SLC25A12: variants seen among roughly 807,000 people sequenced by gnomAD.
SLC25A12 encodes electrogenic aspartate/glutamate antiporter SLC25A12, mitochondrial.
Under a neutral mutation model 83.3 loss-of-function variants are expected in SLC25A12, and 32 were observed. That is an observed-to-expected ratio of 0.38 (90% CI 0.29 to 0.52). The LOEUF (loss-of-function observed/expected upper bound fraction) is 0.52. Among genes scored for constraint, SLC25A12 ranks in the 20% least tolerant of loss-of-function variants. The pLI is 0.84. For missense variants in SLC25A12, 611 were observed against 835.6 expected, an observed-to-expected ratio of 0.73 and a Z score of 3.31; for synonymous variants, 267 against 291.1, an observed-to-expected ratio of 0.92 and a Z score of 0.84.
intron 9 of SLC25A12, among the ~76,000 whole-genome samples, chr2:171,821,984 T>C (rs564679766): frequency 1.3e-5 from 2 of 152,322 alleles, no homozygotes; most frequent in East Asian, 3.8e-4. Flanking sequence ...CTTTTGTGTA[T>C]GGTATGGGGT....
At chr2:171,838,481 A>ATG (rs1242768163) in intron 5 of SLC25A12, among the ~76,000 whole-genome samples, 8 of 151,554 alleles carry the variant, frequency 5.3e-5, no homozygotes, top group African/African-American at 1.7e-4. Context: ...TCCCTGTCTT[A>ATG]TATCTTTTTC....
Position 171,797,334 on chromosome 2 carries a change from A to G in SLC25A12, c.1306-3567T>C, listed in dbSNP as rs112246117. On this transcript the variant is annotated intron_variant, in intron 13 of 17. Transcript: ENST00000422440. ...GGCAATATGATTTGATAATAAAATC[A>G]CGCCAAATGACAAAAACAGAACATA... is the stretch of plus-strand genomic sequence containing the variant. Among the ~76,000 whole-genome samples the G allele has an allele frequency of 2.4e-4, 36 of 152,338 alleles. 1 individual carries two copies. Among genetic ancestry groups the G allele is most frequent in the African/African-American group, 8.2e-4 (34 of 41,578 alleles).
rs1683985744 is a variant in SLC25A12, at chr2:171,813,338, C to A, written c.1171+1G>T. 1 of 1,613,958 alleles carries A rather than the reference C, an allele frequency of 6.2e-7. No homozygotes were observed. Among genetic ancestry groups the A allele is most frequent in the Non-Finnish European group, 8.5e-7 (1 of 1,179,892 alleles). On this transcript the variant is annotated splice_donor_variant, in intron 11 of 17. Coordinates refer to ENST00000422440, the MANE Select transcript of SLC25A12 (RefSeq NM_003705.5). LOFTEE classifies it high-confidence loss of function. ...TCAGCAGCTGGGATTTGCTTACTCACCCCTGTAGAGTCCAAAGAAGCCCTC... is the reference window on the plus strand; with the variant it reads ...TCAGCAGCTGGGATTTGCTTACTCAACCCTGTAGAGTCCAAAGAAGCCCTC...
chr2:171,850,716 C>A (rs1558931052), intron 4 of SLC25A12, among the ~76,000 whole-genome samples: 2 of 152,204 alleles, frequency 1.3e-5, no homozygotes, highest in African/African-American at 4.8e-5. Context: ...CCGCCTCGGC[C>A]TCCCAAAGTG....
intron 1 of SLC25A12, among the ~76,000 whole-genome samples, chr2:171,893,633 C>T (rs889078448): frequency 1.1e-4 from 17 of 152,180 alleles, no homozygotes; most frequent in African/African-American, 3.9e-4. Flanking sequence ...CCAAATTAAT[C>T]ACTTGGCCTA....
At position 171,868,770 on chromosome 2, in the gene SLC25A12, A is replaced by C. The variant is rs753384825; in HGVS notation, c.120T>G (p.Val40=). Residue 40 remains valine, a synonymous_variant, in exon 3 of 18, where the codon GTT becomes GTG. Coordinates refer to ENST00000422440, the MANE Select transcript of SLC25A12 (RefSeq NM_003705.5). ...GERYMTPEDF[V]QRYLGLYNDP... ...CATTATACAGTCCAAGATAGCGCTG[A>C]ACAAAGTCTTCTGGGGTCATATAAC... The C allele has an allele frequency of 4.3e-6, 7 of 1,613,696 alleles. No homozygotes were observed. Among genetic ancestry groups the C allele is most frequent in the South Asian group, 2.2e-5 (2 of 91,080 alleles).
Position 171,876,550 on chromosome 2 carries a change from G to T in SLC25A12, c.67-7727C>A, listed in dbSNP as rs560541230. Among the ~76,000 whole-genome samples the T allele has an allele frequency of 4.6e-4, 66 of 141,980 alleles. 1 individual carries two copies. The highest frequency in any genetic ancestry group is 1.4e-3 in the African/African-American group (57 of 39,346). The allele number at this position is 141,980 out of a possible 152,430, so 93.1% of individuals were successfully genotyped here. ...GTTTGGGTTTTTTTTTTTTGGGGGG[G>T]GGGGGACTCAAGTGATCCTCCCACC... On this transcript the variant is annotated intron_variant, in intron 2 of 17. Transcript: ENST00000422440.
chr2:171,827,015 C>G, intron 8 of SLC25A12, 133 bp from the exon 9 acceptor site: 3 of 663,560 alleles, frequency 4.5e-6, no homozygotes, highest in Non-Finnish European at 8.1e-6. Flanking sequence ...TTACACAGAT[C>G]ATTTTAGTGA....
At position 171,803,825 on chromosome 2, in the gene SLC25A12, ACACACACG is replaced by A. The variant is rs1226249988; in HGVS notation, c.1305+5773_1305+5780del. The stretch of plus-strand genomic sequence containing the variant: ...TTTAAAAAAATACACACACACACAC[ACACACACG>A]CGCGCACACACATACTAGCAAAGAT... On this transcript the variant is annotated intron_variant, in intron 13 of 17. Coordinates refer to ENST00000422440, the MANE Select transcript of SLC25A12 (RefSeq NM_003705.5). Among the ~76,000 whole-genome samples the A allele has an allele frequency of 1.9e-3, 279 of 149,878 alleles. 2 individuals carry two copies. Among genetic ancestry groups the A allele is most frequent in the African/African-American group, 6.7e-3 (268 of 40,146 alleles).
At chr2:171,859,717 T>C (rs746640105) in intron 3 of SLC25A12, among the ~76,000 whole-genome samples, 2 of 152,102 alleles carry the variant, frequency 1.3e-5, no homozygotes, top group Non-Finnish European at 2.9e-5. Context: ...GTAATTGGTA[T>C]GGGGTTTCAG....
At chr2:171,847,552 G>C (rs1324083087) in intron 4 of SLC25A12, among the ~76,000 whole-genome samples, 1 of 152,138 alleles carries the variant, frequency 6.6e-6, no homozygotes, top group African/African-American at 2.4e-5. Flanking sequence ...CCCCCAGAGA[G>C]AATCCCATCT....
At chr2:171,885,478 G>A (rs1169700782) in intron 2 of SLC25A12, among the ~76,000 whole-genome samples, 2 of 151,816 alleles carry the variant, frequency 1.3e-5, no homozygotes, top group African/African-American at 2.4e-5. Context: ...TCAGGAGTTC[G>A]AGACCAGCCT....
chr2:171,844,803 G>A lies in SLC25A12; in HGVS notation c.326-295C>T, dbSNP rs190065215. Among the ~76,000 whole-genome samples, 425 of 152,000 alleles carry A rather than the reference G, an allele frequency of 2.8e-3. 1 individual carries two copies. The highest frequency in any genetic ancestry group is 4.4e-3 in the Non-Finnish European group (296 of 67,934). The stretch of plus-strand genomic sequence containing the variant: ...TGATTTCTATCTTACATCATAAATG[G>A]CTGCTATTTTACATCCCGTATAAAA... On this transcript the variant is annotated intron_variant, in intron 4 of 17. Transcript: ENST00000422440.
At chr2:171,881,512 G>C (rs1214021498) in intron 2 of SLC25A12, among the ~76,000 whole-genome samples, 1 of 152,100 alleles carries the variant, frequency 6.6e-6, no homozygotes, top group Non-Finnish European at 1.5e-5. Flanking sequence ...AAGAACAGTG[G>C]TTACCTCTTA....
intron 8 of SLC25A12, among the ~76,000 whole-genome samples, chr2:171,833,329 G>C (rs1684484453): frequency 6.6e-6 from 1 of 152,118 alleles, no homozygotes; most frequent in Non-Finnish European, 1.5e-5. Flanking sequence ...ACGTCTCTCA[G>C]GGGGAAATGA....
rs372252947 is a variant in SLC25A12 at position 171,894,196 on chromosome 2, G to A, written c.12+7C>T. 6.2e-7 allele frequency: 1 copy of A among 1,608,634 alleles called. No homozygotes were observed. The highest frequency in any genetic ancestry group is 8.5e-7 in the Non-Finnish European group (1 of 1,177,700). ...CAATAAAAGCAGCAGCAGAGAGTTG[G>A]AGTCACCTTGACCGCCATGCTGTGC... is the stretch of plus-strand genomic sequence containing the variant. On this transcript the variant is annotated splice_region_variant and intron_variant, in intron 1 of 17. Coordinates refer to ENST00000422440, the MANE Select transcript of SLC25A12 (RefSeq NM_003705.5).
intron 3 of SLC25A12, among the ~76,000 whole-genome samples, chr2:171,865,737 C>A (rs1455607400): frequency 6.6e-6 from 1 of 151,538 alleles, no homozygotes; most frequent in East Asian, 1.9e-4. Context: ...ACATGGATCT[C>A]CAGTTAGTGT....
rs1220157820 is a variant in SLC25A12, at chr2:171,819,724, A to G, written c.931-4522T>C. Among the ~76,000 whole-genome samples the G allele has an allele frequency of 5.3e-5, 8 of 152,070 alleles. No individual in the cohort carries two copies. In the East Asian group the frequency reaches 9.6e-4, roughly 18 times the overall value. ...CAGGTGAAAGAGGTAAAATGTTCCAAAAAAAGGAATTCCTAAATGGACAGT... is the reference window on the plus strand; with the variant it reads ...CAGGTGAAAGAGGTAAAATGTTCCAGAAAAAGGAATTCCTAAATGGACAGT... On this transcript the variant is annotated intron_variant, in intron 9 of 17. Transcript: ENST00000422440.
rs1239134003 is a variant in SLC25A12 at position 171,785,329 on chromosome 2, T to G, written c.1982A>C (p.Lys661Thr). ...CTGAACCACAGCAACACTAGGAGAC[T>G]TAAATTTCGGGAGATAAAGGCCAAA... is the stretch of plus-strand genomic sequence containing the variant. ...NKFGLYLPKFKSPSVAVVQPK... is the reference protein window; with the variant it reads ...NKFGLYLPKFTSPSVAVVQPK... The change falls in exon 18 of 18, where the codon AAG becomes ACG. Residue 661 changes from lysine to threonine, a missense_variant. By Grantham distance (78) the Lys-to-Thr change is moderately conservative. Transcript: ENST00000422440. 1 of 1,614,228 alleles carries G rather than the reference T, an allele frequency of 6.2e-7. No individual in the cohort carries two copies.
Sources: allele counts gnomAD v4.1 joint callset (sites outside exome capture counted in the v4.1 genomes callset), GRCh38; gene constraint gnomAD v4.1.1; transcripts MANE v1.5; gene names NCBI Gene and HGNC (gene_info 2026-07-23, HGNC 2026-07-21).